The following DLG2 variants were observed in gnomAD, a reference collection of about 807,000 sequenced individuals.
The protein encoded by DLG2 is disks large homolog 2.
A neutral mutation model predicts 132.5 loss-of-function variants in DLG2; 45 were observed. The observed-to-expected ratio is 0.34, with a 90% CI of 0.27 to 0.44. The LOEUF (loss-of-function observed/expected upper bound fraction) is 0.44. Ranked by LOEUF, DLG2 falls within the 20% of genes least tolerant of loss-of-function variation. DLG2 has a pLI of 1.00. For synonymous variants in DLG2, 424 were observed against 419.6 expected (o/e 1.01, Z -0.13); for missense variants, 1,045 against 1,196.9 (o/e 0.87, Z 1.87).
At chr11:85,602,363 C>A (rs936297083) in intron 2 of DLG2, among the ~76,000 whole-genome samples, 1 of 152,244 alleles carries the variant, frequency 6.6e-6, no homozygotes, top group East Asian at 1.9e-4. Flanking sequence ...ATGCTGTCAC[C>A]TTTGCCCTCC....
chr11:85,519,317 C>G (rs999751474), intron 3 of DLG2, among the ~76,000 whole-genome samples: 5 of 152,180 alleles, frequency 3.3e-5, no homozygotes, highest in African/African-American at 1.2e-4. Context: ...GGCAGAGATG[C>G]CCAGGACCAT....
At chr11:83,750,209 C>T (rs1234090857) in intron 18 of DLG2, among the ~76,000 whole-genome samples, 1 of 152,102 alleles carries the variant, frequency 6.6e-6, no homozygotes, top group Non-Finnish European at 1.5e-5. Context: ...GGCTAAAAGT[C>T]GTGTAGGATA....
At chr11:85,456,330 A>T (rs2092421367) in intron 3 of DLG2, among the ~76,000 whole-genome samples, 1 of 151,828 alleles carries the variant, frequency 6.6e-6, no homozygotes, top group South Asian at 2.1e-4. Flanking sequence ...GTCATTTCTG[A>T]TTGTGTTTAT....
Position 84,278,036 on chromosome 11 carries a change from C to T in DLG2, c.520-26745G>A, listed in dbSNP as rs545359887. Among the ~76,000 whole-genome samples the T allele has an allele frequency of 1.8e-3, 268 of 149,864 alleles. 1 individual carries two copies. Among genetic ancestry groups the T allele is most frequent in the African/African-American group, 2.2e-3 (88 of 40,848 alleles). ...AGCCTCCTGAGTAGCTGGGACCACA[C>T]GCCTGGCTAAGTTTTTTTTTTTTTT... On this transcript the variant is annotated intron_variant, in intron 7 of 27. Coordinates refer to ENST00000376104, the MANE Select transcript of DLG2 (RefSeq NM_001142699.3).
At chr11:85,001,026 A>G (rs1301567262) in intron 6 of DLG2, among the ~76,000 whole-genome samples, 1 of 152,092 alleles carries the variant, frequency 6.6e-6, no homozygotes, top group Admixed American at 6.6e-5. Context: ...ATTTTTAGCA[A>G]TAATTACCCT....
chr11:85,056,842 T>A (rs2063513098), intron 6 of DLG2, among the ~76,000 whole-genome samples: 1 of 151,982 alleles, frequency 6.6e-6, no homozygotes, highest in African/African-American at 2.4e-5. Flanking sequence ...TTGAATTTTA[T>A]ATTCACTGAA....
At chr11:83,687,124 C>T (rs2079936120) in intron 18 of DLG2, among the ~76,000 whole-genome samples, 1 of 152,202 alleles carries the variant, frequency 6.6e-6, no homozygotes, top group South Asian at 2.1e-4. Context: ...AGGTATTTCC[C>T]TAGTGCCTTC....
intron 3 of DLG2, among the ~76,000 whole-genome samples, chr11:85,288,581 C>G (rs2078702392): frequency 6.6e-6 from 1 of 152,096 alleles, no homozygotes; most frequent in East Asian, 1.9e-4. Context: ...ACTGCTTGAA[C>G]CCAGAAGGTC....
At chr11:83,936,244 C>T (rs1362155874) in intron 14 of DLG2, among the ~76,000 whole-genome samples, 3 of 152,222 alleles carry the variant, frequency 2.0e-5, no homozygotes, top group Non-Finnish European at 2.9e-5. Flanking sequence ...AAAGGTACTG[C>T]ACAGGTGCCT....
intron 5 of DLG2, among the ~76,000 whole-genome samples, chr11:85,150,621 AT>A (rs1317477281): frequency 1.3e-5 from 2 of 150,448 alleles, no homozygotes; most frequent in Admixed American, 6.7e-5. Context: ...TGACTGGCTT[AT>A]TTTGCTTAGC....
chr11:84,731,557 G>C (rs965352214), intron 6 of DLG2, among the ~76,000 whole-genome samples: 18 of 151,944 alleles, frequency 1.2e-4, no homozygotes, highest in African/African-American at 3.4e-4. Flanking sequence ...ATCTCAAATA[G>C]AGGGAATAGG....
At chr11:83,647,595 G>A (rs920285357) in intron 18 of DLG2, 6 of 152,128 alleles carry the variant, frequency 3.9e-5, no homozygotes, top group Admixed American at 2.0e-4. Context: ...TCATATTCCC[G>A]TAAGTACTTG....
intron 3 of DLG2, among the ~76,000 whole-genome samples, chr11:85,486,062 G>C (rs978891311): frequency 6.6e-5 from 10 of 152,204 alleles, no homozygotes; most frequent in Non-Finnish European, 4.4e-5. Flanking sequence ...TGCGCCATCT[G>C]AGAGGGGCCC....
chr11:84,418,823 G>A (rs2098938807), intron 7 of DLG2, among the ~76,000 whole-genome samples: 1 of 152,132 alleles, frequency 6.6e-6, no homozygotes, highest in Non-Finnish European at 1.5e-5. Flanking sequence ...ACCCTGGAAT[G>A]CTGTCCTACC....
intron 3 of DLG2, among the ~76,000 whole-genome samples, chr11:85,538,806 C>T (rs935047863): frequency 1.3e-5 from 2 of 151,646 alleles, no homozygotes; most frequent in Non-Finnish European, 2.9e-5. Flanking sequence ...CACATGGACA[C>T]AGGGAGGGAA....
At chr11:84,265,359 T>C (rs566766137) in intron 7 of DLG2, among the ~76,000 whole-genome samples, 1 of 152,292 alleles carries the variant, frequency 6.6e-6, no homozygotes, top group East Asian at 1.9e-4. Flanking sequence ...TAAAAAGTTA[T>C]ATATAACATC....
intron 21 of DLG2, among the ~76,000 whole-genome samples, chr11:83,496,599 G>C (rs2094161486): frequency 6.6e-6 from 1 of 152,150 alleles, no homozygotes; most frequent in Admixed American, 6.6e-5. Context: ...ACAGTGAAAT[G>C]CTACTCAACA....
intron 11 of DLG2, among the ~76,000 whole-genome samples, chr11:84,041,557 T>A (rs1477517581): frequency 6.6e-6 from 1 of 151,946 alleles, no homozygotes; most frequent in Non-Finnish European, 1.5e-5. Context: ...GGCTGAACAT[T>A]ATATAAATGT....
chr11:84,237,181 GCCTC>G (rs1476141045), intron 8 of DLG2, among the ~76,000 whole-genome samples: 1 of 152,028 alleles, frequency 6.6e-6, no homozygotes, highest in Non-Finnish European at 1.5e-5. Flanking sequence ...GCCTGCCTCG[GCCTC>G]CCAAAGTCCT....
Sources: allele counts gnomAD v4.1 joint callset (sites outside exome capture counted in the v4.1 genomes callset), GRCh38; gene constraint gnomAD v4.1.1; transcripts MANE v1.5; gene names NCBI Gene and HGNC (gene_info 2026-07-23, HGNC 2026-07-21).